Variants in ELMO1 observed in about 807,000 individuals in gnomAD.
The protein encoded by ELMO1 is engulfment and cell motility protein 1.
Under a neutral mutation model 98.9 loss-of-function variants are expected in ELMO1, and 26 were observed. That is an observed-to-expected ratio of 0.26 (90% confidence interval 0.19 to 0.36). The LOEUF is 0.36. Ranked by LOEUF, ELMO1 falls within the 10% of genes least tolerant of loss-of-function variation. The probability of loss-of-function intolerance (pLI) is 1.00; values close to 1 mark genes in which losing one functional copy is unlikely to be tolerated. For synonymous variants in ELMO1, 346 were observed against 346.0 expected (o/e 1.00, Z 0.00); for missense variants, 627 against 935.2 (o/e 0.67, Z 4.30).
chr7:36,953,528 T>C (rs1477510372), intron 16 of ELMO1, among the ~76,000 whole-genome samples: 1 of 152,236 alleles, frequency 6.6e-6, no homozygotes, highest in African/African-American at 2.4e-5. Flanking sequence ...TTTTGGTGCA[T>C]ATCCTTTTAA....
intron 15 of ELMO1, among the ~76,000 whole-genome samples, chr7:37,025,903 AT>A (rs1794545267): frequency 1.4e-5 from 2 of 146,700 alleles, no homozygotes; most frequent in Non-Finnish European, 3.0e-5. Context: ...TATTCTATCT[AT>A]CTATCTATCT....
intron 2 of ELMO1, among the ~76,000 whole-genome samples, chr7:37,331,403 C>G (rs903748490): frequency 7.7e-6 from 1 of 129,944 alleles, no homozygotes; most frequent in South Asian, 2.6e-4. Flanking sequence ...AGGATGGTCT[C>G]GATCTCCTGA....
At chr7:36,880,420 C>T (rs1227770395) in intron 18 of ELMO1, among the ~76,000 whole-genome samples, 2 of 152,182 alleles carry the variant, frequency 1.3e-5, no homozygotes, top group African/African-American at 2.4e-5. Flanking sequence ...ATAATACAAA[C>T]ACATATTATT....
intron 15 of ELMO1, among the ~76,000 whole-genome samples, chr7:37,072,091 T>C (rs1797305694): frequency 6.6e-6 from 1 of 152,186 alleles, no homozygotes; most frequent in African/African-American, 2.4e-5. Context: ...AATTAGCTAC[T>C]AATCCAACTA....
At chr7:37,195,576 C>T (rs988979941) in intron 13 of ELMO1, among the ~76,000 whole-genome samples, 10 of 152,214 alleles carry the variant, frequency 6.6e-5, no homozygotes, top group African/African-American at 2.2e-4. Flanking sequence ...TGGCTGGAGG[C>T]GGGGCTCCCT....
chr7:36,874,392 T>C (rs1803775203), intron 19 of ELMO1, among the ~76,000 whole-genome samples: 1 of 152,248 alleles, frequency 6.6e-6, no homozygotes. Flanking sequence ...CAGTTTCCTT[T>C]CTGTAAAATA....
At chr7:37,225,117 C>T in intron 8 of ELMO1, 87 bp from the exon 9 acceptor site, 1 of 1,529,054 alleles carries the variant, frequency 6.5e-7, no homozygotes, top group East Asian at 2.3e-5. Context: ...AAATCGGGAA[C>T]TCATTTAAGA....
chr7:37,239,702 A>C (rs895257532), intron 7 of ELMO1, among the ~76,000 whole-genome samples: 4 of 152,176 alleles, frequency 2.6e-5, no homozygotes, highest in African/African-American at 9.7e-5. Flanking sequence ...GAAGGGGAAG[A>C]AGCAAATGCA....
At chr7:36,895,298 T>C (rs1327673625) in intron 16 of ELMO1, among the ~76,000 whole-genome samples, 4 of 152,210 alleles carry the variant, frequency 2.6e-5, no homozygotes, top group Non-Finnish European at 4.4e-5. Flanking sequence ...TGACACATTA[T>C]GTGACTGCTG....
intron 4 of ELMO1, among the ~76,000 whole-genome samples, chr7:37,272,143 A>G (rs903586281): frequency 6.6e-6 from 1 of 152,226 alleles, no homozygotes; most frequent in Non-Finnish European, 1.5e-5. Flanking sequence ...TATTAAGGGC[A>G]TATGACCTGA....
At chr7:36,902,928 C>A (rs1422975550) in intron 16 of ELMO1, among the ~76,000 whole-genome samples, 4 of 152,194 alleles carry the variant, frequency 2.6e-5, no homozygotes, top group Non-Finnish European at 5.9e-5. Context: ...GTTTACCCAA[C>A]AACCTTCTGA....
At chr7:36,933,418 T>C (rs1786223304) in intron 16 of ELMO1, among the ~76,000 whole-genome samples, 1 of 152,184 alleles carries the variant, frequency 6.6e-6, no homozygotes, top group African/African-American at 2.4e-5. Context: ...ATCTTGGAAC[T>C]TGGTATGGGA....
chr7:37,005,058 G>A (rs59346826), intron 16 of ELMO1, among the ~76,000 whole-genome samples: 9,710 of 133,176 alleles, frequency 0.073, 847 homozygotes, highest in African/African-American at 0.22. Context: ...GCGGTGAGCC[G>A]AGATCACGCC....
chr7:37,352,774 T>C (rs1801330242), intron 1 of ELMO1, among the ~76,000 whole-genome samples: 1 of 152,232 alleles, frequency 6.6e-6, no homozygotes, highest in Non-Finnish European at 1.5e-5. Context: ...GTAAAACTTC[T>C]ATTAACTGCA....
At position 37,362,822 on chromosome 7, in the gene ELMO1, C is replaced by T. The variant is rs377430753; in HGVS notation, c.-73-20059G>A. On this transcript the variant is annotated intron_variant, in intron 1 of 21. Coordinates refer to ENST00000310758, the MANE Select transcript of ELMO1 (RefSeq NM_014800.11). The stretch of plus-strand genomic sequence containing the variant: ...CTCTTCTGAGCACTCTAGGGGACTG[C>T]ACTTCTAGCCCCCTTGCAGGATAAG... 4.6e-4 allele frequency among the ~76,000 whole-genome samples: 70 copies of T among 152,288 alleles called. No individual in the cohort carries two copies. The South Asian group carries it at 0.013, about 29-fold the overall frequency.
intron 1 of ELMO1, among the ~76,000 whole-genome samples, chr7:37,374,043 T>C (rs924279276): frequency 2.6e-5 from 4 of 152,264 alleles, no homozygotes; most frequent in Admixed American, 2.0e-4. Flanking sequence ...GTGGGCACCA[T>C]GCATGAAGTT....
intron 18 of ELMO1, among the ~76,000 whole-genome samples, chr7:36,886,680 C>G (rs1805036513): frequency 6.6e-6 from 1 of 152,342 alleles, no homozygotes; most frequent in South Asian, 2.1e-4. Flanking sequence ...AAGACTCTAG[C>G]TGTGCAATCA....
intron 16 of ELMO1, among the ~76,000 whole-genome samples, chr7:36,942,598 T>A (rs532383791): frequency 1.3e-5 from 2 of 152,182 alleles, no homozygotes; most frequent in Non-Finnish European, 2.9e-5. Context: ...TTATCTTTAG[T>A]CACATAAAAA....
intron 13 of ELMO1, among the ~76,000 whole-genome samples, chr7:37,168,563 C>G (rs1049560681): frequency 6.6e-6 from 1 of 152,166 alleles, no homozygotes. Context: ...ACAGACAGGA[C>G]CCTCAGTTGC....
Sources: gnomAD v4.1 joint callset for allele counts (sites outside exome capture counted in the v4.1 genomes callset) on GRCh38, gnomAD v4.1.1 for gene constraint, MANE v1.5 for transcripts, NCBI Gene and HGNC (gene_info 2026-07-23, HGNC 2026-07-21) for gene names.